ADK: variants seen among roughly 807,000 people sequenced by gnomAD.
The protein encoded by ADK is N6,N6-dimethyladenosine kinase.
In ADK, 24 loss-of-function variants were observed where a neutral mutation model predicts 44.7. That is an observed-to-expected ratio of 0.54 (90% CI 0.39 to 0.76). The LOEUF is 0.76. Ranked by LOEUF, ADK falls within the 30% of genes least tolerant of loss-of-function variation. The pLI is 0.00. For missense variants in ADK, 321 were observed against 425.1 expected (o/e 0.76, Z 2.15); for synonymous variants, 128 against 142.6 (o/e 0.90, Z 0.73).
chr10:74,549,211 GA>G lies in ADK; in HGVS notation c.726+23788del, dbSNP rs372394341. Among the ~76,000 whole-genome samples, 11 of 152,172 alleles carry G rather than the reference GA, an allele frequency of 7.2e-5. No individual in the cohort carries two copies. The South Asian group carries it at 2.3e-3, about 32-fold the overall frequency. On this transcript the variant is annotated intron_variant, in intron 7 of 10. Transcript: ENST00000539909. ...GAAAAGTATATAATACTTACATTCT[GA>G]AATCACACACAGTGAGGGGGTATTC...
intron 3 of ADK, among the ~76,000 whole-genome samples, chr10:74,299,146 C>G (rs998325346): frequency 6.6e-6 from 1 of 151,966 alleles, no homozygotes; most frequent in Non-Finnish European, 1.5e-5. Context: ...AACACTAATT[C>G]AGCATAATCT....
chr10:74,622,891 C>T (rs1483158955), intron 9 of ADK, among the ~76,000 whole-genome samples: 1 of 152,090 alleles, frequency 6.6e-6, no homozygotes, highest in East Asian at 1.9e-4. Context: ...CCTGTAATCC[C>T]AGCTACTCGG....
chr10:74,617,378 GTTC>G (rs1169550727), intron 9 of ADK, among the ~76,000 whole-genome samples: 1 of 152,106 alleles, frequency 6.6e-6, no homozygotes, highest in Admixed American at 6.5e-5. Flanking sequence ...TTTTTGTTTT[GTTC>G]TTAAGAGATT....
chr10:74,447,934 G>A (rs1207835596), intron 6 of ADK, among the ~76,000 whole-genome samples: 2 of 152,290 alleles, frequency 1.3e-5, no homozygotes, highest in East Asian at 3.9e-4. Context: ...AGCATTTTGG[G>A]AGGCTGAGGG....
chr10:74,570,991 G>A (rs1160313814), intron 7 of ADK, among the ~76,000 whole-genome samples: 1 of 152,212 alleles, frequency 6.6e-6, no homozygotes. Context: ...AGAGTTTTTA[G>A]CATGAAGAGT....
At chr10:74,226,121 T>G (rs1442625536) in intron 3 of ADK, among the ~76,000 whole-genome samples, 1 of 152,182 alleles carries the variant, frequency 6.6e-6, no homozygotes, top group Non-Finnish European at 1.5e-5. Context: ...TTTTTTTGTT[T>G]TTTTGAGACA....
intron 9 of ADK, among the ~76,000 whole-genome samples, chr10:74,640,352 C>CCAT (rs1358006633): frequency 6.6e-6 from 1 of 152,214 alleles, no homozygotes; most frequent in Non-Finnish European, 1.5e-5. Flanking sequence ...TGTGCCAACA[C>CCAT]CATATGTGGC....
At chr10:74,355,174 C>T (rs574659287) in intron 4 of ADK, among the ~76,000 whole-genome samples, 81 of 152,266 alleles carry the variant, frequency 5.3e-4, no homozygotes, top group African/African-American at 1.9e-3. Context: ...TTTGGCTAAG[C>T]TCACATGGCA....
rs553179977 is a variant in ADK, at chr10:74,492,123, G to T, written c.556-33133G>T. Among the ~76,000 whole-genome samples the T allele has an allele frequency of 6.6e-5, 10 of 152,122 alleles. No individual in the cohort carries two copies. The South Asian group carries it at 8.3e-4, about 13-fold the overall frequency. On this transcript the variant is annotated intron_variant, in intron 6 of 10. Coordinates refer to ENST00000539909, the MANE Select transcript of ADK (RefSeq NM_006721.4). ...CCTCTTTAACCTCTAAATACTTGAG[G>T]TGTGGTTAGTAAAAATTCACGTTTT...
chr10:74,296,513 A>T (rs1330080025), intron 3 of ADK, among the ~76,000 whole-genome samples: 4 of 152,190 alleles, frequency 2.6e-5, no homozygotes, highest in Non-Finnish European at 5.9e-5. Context: ...AGTTATAGAG[A>T]ATAGGCGCTT....
intron 3 of ADK, among the ~76,000 whole-genome samples, chr10:74,259,993 A>G (rs1389242478): frequency 6.6e-6 from 1 of 151,974 alleles, no homozygotes; most frequent in African/African-American, 2.4e-5. Context: ...CTTTTGAGAG[A>G]GTTTTAGTAA....
intron 9 of ADK, among the ~76,000 whole-genome samples, chr10:74,666,564 A>G (rs1589351076): frequency 6.7e-6 from 1 of 149,760 alleles, no homozygotes; most frequent in East Asian, 1.9e-4. Flanking sequence ...TACTTGATCA[A>G]AACTAACCAG....
intron 4 of ADK, among the ~76,000 whole-genome samples, chr10:74,348,021 C>T (rs1341506905): frequency 6.6e-6 from 1 of 152,182 alleles, no homozygotes; most frequent in Non-Finnish European, 1.5e-5. Flanking sequence ...TGCCTGGTGG[C>T]TCTGAAGAGA....
At chr10:74,334,953 A>T (rs1273181167) in intron 4 of ADK, among the ~76,000 whole-genome samples, 2 of 152,084 alleles carry the variant, frequency 1.3e-5, no homozygotes, top group African/African-American at 2.4e-5. Context: ...TCAAGACTTT[A>T]TTGGGGAAAA....
intron 10 of ADK, among the ~76,000 whole-genome samples, chr10:74,685,239 G>A (rs909993196): frequency 4.6e-5 from 7 of 152,134 alleles, no homozygotes; most frequent in African/African-American, 1.7e-4. Flanking sequence ...TATATTTAAA[G>A]TACATCTTCC....
At chr10:74,596,170 G>C (rs1345729615) in intron 8 of ADK, among the ~76,000 whole-genome samples, 4 of 151,976 alleles carry the variant, frequency 2.6e-5, no homozygotes, top group Non-Finnish European at 5.9e-5. Flanking sequence ...ACAACAAAAA[G>C]CACATTGCTA....
intron 7 of ADK, among the ~76,000 whole-genome samples, chr10:74,571,206 A>G (rs1346069949): frequency 6.6e-6 from 1 of 151,928 alleles, no homozygotes; most frequent in African/African-American, 2.4e-5. Flanking sequence ...TTTATTGAGG[A>G]TTTTTGCATT....
chr10:74,616,338 CTTCTA>C (rs1241084303), intron 9 of ADK, among the ~76,000 whole-genome samples: 1 of 151,874 alleles, frequency 6.6e-6, no homozygotes, highest in Non-Finnish European at 1.5e-5. Flanking sequence ...TTTTCTAAAA[CTTCTA>C]TTCTTTTACT....
At chr10:74,186,180 GCCTTC>G (rs1375963009) in intron 1 of ADK, among the ~76,000 whole-genome samples, 1 of 146,756 alleles carries the variant, frequency 6.8e-6, no homozygotes, top group Non-Finnish European at 1.5e-5. Flanking sequence ...AGTCAAATCA[GCCTTC>G]CCTTTCCTTC....
Sources: allele counts gnomAD v4.1 joint callset (sites outside exome capture counted in the v4.1 genomes callset), GRCh38; gene constraint gnomAD v4.1.1; transcripts MANE v1.5; gene names NCBI Gene and HGNC (gene_info 2026-07-23, HGNC 2026-07-21).